The following C3orf49 variants were observed in gnomAD, a reference collection of about 807,000 sequenced individuals.
C3orf49 encodes the protein putative uncharacterized protein C3orf49.
C3orf49 carries 27 observed loss-of-function variants against 13.3 expected under a neutral mutation model. The observed-to-expected ratio is 2.02, with a 90% CI of 1.49 to 2.79. The LOEUF (loss-of-function observed/expected upper bound fraction) is 2.79, where lower values mean the gene tolerates loss of function less well. Ranked by LOEUF, C3orf49 falls within the 30% of genes most tolerant of loss-of-function variation. The probability of loss-of-function intolerance (pLI) is 0.00; values close to 1 mark genes in which losing one functional copy is unlikely to be tolerated. For synonymous variants in C3orf49, 87 were observed against 47.6 expected, an observed-to-expected ratio of 1.83 and a Z score of -3.40; for missense variants, 242 against 134.2, an observed-to-expected ratio of 1.80 and a Z score of -3.97.
the C3orf49 span, among the ~76,000 whole-genome samples, chr3:63,806,708 C>T: frequency 1.3e-5 from 2 of 152,144 alleles, no homozygotes; most frequent in Non-Finnish European, 2.9e-5. Flanking sequence ...TTTTCTACAG[C>T]ATTTTTAACT....
At chr3:63,843,670 G>C (rs868215570) in intron 5 of C3orf49, among the ~76,000 whole-genome samples, 6 of 152,124 alleles carry the variant, frequency 3.9e-5, no homozygotes, top group Non-Finnish European at 8.8e-5. Flanking sequence ...GGAGGCCAAG[G>C]TGGGCGCATC....
At chr3:63,843,639 G>A (rs1376945844) in intron 5 of C3orf49, among the ~76,000 whole-genome samples, 16 of 151,986 alleles carry the variant, frequency 1.1e-4, no homozygotes, top group Non-Finnish European at 1.9e-4. Context: ...GGTGGCTCAC[G>A]CCTGTAATCC....
At chr3:63,785,267 T>A in the C3orf49 span, among the ~76,000 whole-genome samples, 1 of 151,412 alleles carries the variant, frequency 6.6e-6, no homozygotes, top group Admixed American at 6.6e-5. Context: ...AGAGACAGGG[T>A]TTCACTGTGT....
intron 5 of C3orf49, among the ~76,000 whole-genome samples, chr3:63,832,433 T>C (rs1701547010): frequency 6.6e-6 from 1 of 152,098 alleles, no homozygotes; most frequent in Admixed American, 6.5e-5. Context: ...CTAACGTGGG[T>C]GGATCACGTG....
chr3:63,813,720 G>A, the C3orf49 span, among the ~76,000 whole-genome samples: 1 of 152,170 alleles, frequency 6.6e-6, no homozygotes. Context: ...CCGAGACACA[G>A]TTGTTGCTGA....
chr3:63,827,667 G>C lies in C3orf49; in HGVS notation c.512G>C (p.Arg171Pro), dbSNP rs771355150. ...EEITQGNTLL[R>P]ARRTTKRLSV... is the part of the protein sequence containing the mutation. The stretch of plus-strand genomic sequence containing the variant: ...ATAACCCAGGGAAACACACTCCTTC[G>C]GGCCAGGAGAACCACCAAGCGGTTA... The change falls in exon 3 of 7, where the codon CGG becomes CCG. Residue 171 changes from arginine (R) to proline (P), a missense_variant. Arg to Pro is a moderately radical substitution (Grantham distance 103). Transcript: ENST00000295896. 3 of 702,946 alleles carry C rather than the reference G, an allele frequency of 4.3e-6. No individual in the cohort carries two copies. The highest frequency in any genetic ancestry group is 7.8e-6 in the Non-Finnish European group (3 of 385,034). The allele number at this position is 702,946 out of a possible 1,614,324, so 43.5% of individuals were successfully genotyped here. A position where few individuals can be genotyped will look rare whatever the true frequency, so the allele number is the denominator to read the frequency against.
chr3:63,825,093 G>A (rs373388142), intron 2 of C3orf49, among the ~76,000 whole-genome samples: 6 of 152,164 alleles, frequency 3.9e-5, no homozygotes, highest in East Asian at 1.9e-4. Context: ...TGTGGGATTT[G>A]ACAAATACCT....
intron 5 of C3orf49, chr3:63,839,736 A>G (rs1701718105): frequency 6.2e-7 from 1 of 1,613,296 alleles, no homozygotes; most frequent in Non-Finnish European, 8.5e-7. Context: ...CTCCAGCACC[A>G]TCTCCATCAA....
At chr3:63,783,368 G>T in the C3orf49 span, among the ~76,000 whole-genome samples, 1 of 152,004 alleles carries the variant, frequency 6.6e-6, no homozygotes, top group Non-Finnish European at 1.5e-5. Context: ...GTCAATCACT[G>T]TTAAGAATAA....
upstream of C3orf49, among the ~76,000 whole-genome samples, chr3:63,817,202 C>A (rs1349449050): frequency 6.6e-6 from 1 of 152,144 alleles, no homozygotes. Context: ...CATTCAGGAC[C>A]AATGACCTCA....
intron 5 of C3orf49, among the ~76,000 whole-genome samples, chr3:63,839,144 T>C (rs1370281091): frequency 1.3e-5 from 2 of 152,042 alleles, no homozygotes; most frequent in African/African-American, 4.8e-5. Context: ...GAGCCAAGAT[T>C]GTGCCATTGC....
chr3:63,811,452 G>A, the C3orf49 span, among the ~76,000 whole-genome samples: 4 of 152,064 alleles, frequency 2.6e-5, no homozygotes, highest in South Asian at 2.1e-4. Context: ...CAGCTACTCC[G>A]GAGGCTGAGG....
chr3:63,846,649 G>A (rs1701903856), intron 6 of C3orf49, among the ~76,000 whole-genome samples: 1 of 152,120 alleles, frequency 6.6e-6, no homozygotes, highest in African/African-American at 2.4e-5. Flanking sequence ...GACCTCAGGT[G>A]ATCCACCCAC....
upstream of C3orf49, among the ~76,000 whole-genome samples, chr3:63,814,859 C>T (rs773223065): frequency 1.3e-5 from 2 of 152,064 alleles, no homozygotes; most frequent in Non-Finnish European, 2.9e-5. Context: ...AAGAAATACC[C>T]AAGACTGGGT....
upstream of C3orf49, among the ~76,000 whole-genome samples, chr3:63,816,642 G>T (rs750013694): frequency 4.0e-5 from 6 of 151,654 alleles, no homozygotes; most frequent in Admixed American, 6.6e-5. Flanking sequence ...TTGCTCTGAA[G>T]ATCAAGACCA....
chr3:63,833,360 A>G (rs1701559518), intron 5 of C3orf49, among the ~76,000 whole-genome samples: 1 of 152,060 alleles, frequency 6.6e-6, no homozygotes, highest in Non-Finnish European at 1.5e-5. Context: ...CGGCCTTCCA[A>G]AGTGCTGGGA....
intron 5 of C3orf49, chr3:63,834,324 G>T (rs929471004): frequency 3.5e-6 from 3 of 848,626 alleles, no homozygotes; most frequent in African/African-American, 3.5e-5. Context: ...GCTACTAGTT[G>T]AATCAAACTT....
the C3orf49 span, among the ~76,000 whole-genome samples, chr3:63,814,152 G>C: frequency 3.9e-5 from 6 of 152,154 alleles, no homozygotes; most frequent in African/African-American, 1.4e-4. Context: ...TTAAAGCTTA[G>C]GGGAAAATCA....
At chr3:63,782,675 A>T in the C3orf49 span, 1 of 152,268 alleles carries the variant, frequency 6.6e-6, no homozygotes, top group East Asian at 1.9e-4. Context: ...CAAGCCAGTT[A>T]TTTTAACAGT....
Sources: gnomAD v4.1 joint callset for allele counts (sites outside exome capture counted in the v4.1 genomes callset) on GRCh38, gnomAD v4.1.1 for gene constraint, MANE v1.5 for transcripts, NCBI Gene and HGNC (gene_info 2026-07-23, HGNC 2026-07-21) for gene names.